TUBGCP2: variants seen among roughly 807,000 people sequenced by gnomAD.
The protein encoded by TUBGCP2 is gamma-tubulin complex component 2.
Under a neutral mutation model 92.2 loss-of-function variants are expected in TUBGCP2, and 55 were observed. The observed-to-expected ratio is 0.60, with a 90% confidence interval of 0.48 to 0.75. TUBGCP2 has a LOEUF of 0.75. Among genes scored for constraint, TUBGCP2 ranks in the 30% least tolerant of loss-of-function variants. The pLI is 0.00. For missense variants in TUBGCP2, 1,093 were observed against 1,188.9 expected (o/e 0.92, Z 1.19); for synonymous variants, 533 against 505.2 (o/e 1.06, Z -0.74).
intron 1 of TUBGCP2, among the ~76,000 whole-genome samples, chr10:133,307,692 C>T (rs1329505056): frequency 6.6e-6 from 1 of 152,200 alleles, no homozygotes; most frequent in Non-Finnish European, 1.5e-5. Flanking sequence ...TTGCAGTGAG[C>T]CCAGATCGCG....
Position 133,300,060 on chromosome 10 carries a change from A to G in TUBGCP2, c.204T>C (p.Asp68=). Reference sequence around the variant, plus strand: ...TCCTTGTATTTTTAGATTTCAGTTCATCATATTTCTTTAGAAAGTCTTCTG... The same window carrying G: ...TCCTTGTATTTTTAGATTTCAGTTCGTCATATTTCTTTAGAAAGTCTTCTG... ...RTPEDFLKKY[D]ELKSKNTRNL... Residue 68 remains aspartate (D), a synonymous_variant, in exon 3 of 18, where the codon GAT becomes GAC. Transcript: ENST00000252936. 1 of 1,614,168 alleles carries G rather than the reference A, an allele frequency of 6.2e-7. No individual in the cohort carries two copies. The highest frequency in any genetic ancestry group is 8.5e-7 in the Non-Finnish European group (1 of 1,180,014).
intron 8 of TUBGCP2, 76 bp from the exon 9 acceptor site, chr10:133,290,045 A>G: frequency 6.3e-7 from 1 of 1,579,706 alleles, no homozygotes; most frequent in Non-Finnish European, 8.7e-7. Flanking sequence ...CCAGGCCGGC[A>G]GCGCGCAGGG....
intron 11 of TUBGCP2, among the ~76,000 whole-genome samples, chr10:133,287,907 G>A (rs967869728): frequency 5.3e-5 from 8 of 152,328 alleles, no homozygotes; most frequent in African/African-American, 1.4e-4. Context: ...AGGCCCGGAC[G>A]AGGGCACTGC....
intron 3 of TUBGCP2, 39 bp downstream of exon 3, chr10:133,299,946 C>T (rs1452025909): frequency 6.2e-7 from 1 of 1,605,508 alleles, no homozygotes; most frequent in East Asian, 2.2e-5. Context: ...CCAACATGGG[C>T]CGTACGGGCG....
chr10:133,308,314 G>A (rs141897771), intron 1 of TUBGCP2, among the ~76,000 whole-genome samples: 28 of 152,332 alleles, frequency 1.8e-4, no homozygotes, highest in African/African-American at 6.5e-4. Context: ...TTTCACGGGA[G>A]CTGCGGGGAC....
At chr10:133,289,679 G>C (rs576600854) in intron 9 of TUBGCP2, 145 bp downstream of exon 9, 32 of 1,057,830 alleles carry the variant, frequency 3.0e-5, no homozygotes, top group Non-Finnish European at 4.0e-5. Context: ...GGCCAGTCCT[G>C]ACCTCAGCCC....
rs1589820224 is a variant in TUBGCP2 at position 133,281,603 on chromosome 10, A to G, written c.2410-167T>C. On this transcript the variant is annotated intron_variant, in intron 16 of 17. Coordinates refer to ENST00000252936, the MANE Select transcript of TUBGCP2 (RefSeq NM_006659.4). ...GATTCAAGGTAAAAAAGACATCAAA[A>G]AACATTCCTGAGAACCCAGCACTCA... The G allele has an allele frequency of 5.4e-6, 5 of 931,886 alleles. No homozygotes were observed. The East Asian group carries it at 1.3e-4, about 25-fold the overall frequency. 57.7% of individuals were successfully genotyped at this position (931,886 alleles called of 1,614,324 possible).
At position 133,292,728 on chromosome 10, in the gene TUBGCP2, G is replaced by A. The variant is rs191261650; in HGVS notation, c.1025-40C>T. 2.1e-3 allele frequency: 3,387 copies of A among 1,579,866 alleles called. 24 individuals carry two copies. The highest frequency in any genetic ancestry group is 0.015 in the Middle Eastern group (69 of 4,726). On this transcript the variant is annotated intron_variant, in intron 7 of 17. Transcript: ENST00000252936. The stretch of plus-strand genomic sequence containing the variant: ...GAGGGCTCACTGCTGAGAAGGAAGC[G>A]CACGCCCAGCCTCTGCCAACAACAC...
chr10:133,300,897 G>C (rs1847632774), intron 2 of TUBGCP2, among the ~76,000 whole-genome samples: 1 of 152,078 alleles, frequency 6.6e-6, no homozygotes, highest in South Asian at 2.1e-4. Flanking sequence ...GTACTGGAGA[G>C]TAGCAACTTG....
At position 133,293,516 on chromosome 10, in the gene TUBGCP2, T is replaced by C. The variant is rs746551727; in HGVS notation, c.824+46A>G. On this transcript the variant is annotated intron_variant, in intron 6 of 17. Coordinates refer to ENST00000252936, the MANE Select transcript of TUBGCP2 (RefSeq NM_006659.4). ...GGTCATCAGGATGGGACCTAACCCC[T>C]CCCCCACAACAGCGCAGGCTCCCAG... is the stretch of plus-strand genomic sequence containing the variant. 196 of 1,537,516 alleles carry C rather than the reference T, an allele frequency of 1.3e-4. 1 individual carries two copies. Among genetic ancestry groups the C allele is most frequent in the Non-Finnish European group, 2.9e-5 (33 of 1,137,080 alleles).
intron 17 of TUBGCP2, among the ~76,000 whole-genome samples, chr10:133,280,169 C>T (rs12778349): frequency 0.18 from 27,574 of 152,252 alleles, 3,147 homozygotes; most frequent in Non-Finnish European, 0.26. Flanking sequence ...ACGCTCCTAA[C>T]TAATGTTTCC....
rs1224082940 is a variant in TUBGCP2 at position 133,288,857 on chromosome 10, C to T, written c.1524G>A (p.Glu508=). 8 of 1,611,884 alleles carry T rather than the reference C, an allele frequency of 5.0e-6. No homozygotes were observed. In the Admixed American group the frequency reaches 5.0e-5, roughly 10 times the overall value. The part of the protein sequence containing the change: ...VLLDFLMEEK[E]LVAHLRSIKR... Reference sequence around the variant, plus strand: ...GGAATCACCTGAGGTGAGCCACCAGCTCCTTCTCCTCCATCAGGAAGTCCA... The same window carrying T: ...GGAATCACCTGAGGTGAGCCACCAGTTCCTTCTCCTCCATCAGGAAGTCCA... The change falls in exon 10 of 18, where the codon GAG becomes GAA. Residue 508 remains glutamate (E), a synonymous_variant. Coordinates refer to ENST00000252936, the MANE Select transcript of TUBGCP2 (RefSeq NM_006659.4).
chr10:133,310,586 C>T (rs1329254436), upstream of TUBGCP2: 1 of 418,088 alleles, frequency 2.4e-6, no homozygotes, highest in Admixed American at 3.9e-5. Flanking sequence ...CCCTCTGGGC[C>T]ATGCCTGTAC....
intron 5 of TUBGCP2, among the ~76,000 whole-genome samples, chr10:133,294,544 TC>T (rs796468829): frequency 2.6e-5 from 4 of 151,990 alleles, no homozygotes; most frequent in African/African-American, 9.6e-5. Flanking sequence ...AAGACTACAA[TC>T]CGTCACCAAC....
Position 133,293,202 on chromosome 10 carries a change from C to T in TUBGCP2, c.861G>A (p.Gln287=). 1 of 1,613,822 alleles carries T rather than the reference C, an allele frequency of 6.2e-7. No individual in the cohort carries two copies. The highest frequency in any genetic ancestry group is 8.5e-7 in the Non-Finnish European group (1 of 1,180,040). The change falls in exon 7 of 18, where the codon CAG becomes CAA. Residue 287 remains glutamine (Q), a synonymous_variant. Transcript: ENST00000252936. ...IEEKSSFEYG[Q]VNHALAAAMR... is the part of the protein sequence containing the mutation. ...TGGCGGCCGCCAGGGCGTGGTTCAC[C>T]TGCCCGTACTCGAAGGAAGACTTCT...
At chr10:133,305,441 A>G (rs2136142697) in intron 1 of TUBGCP2, among the ~76,000 whole-genome samples, 1 of 152,184 alleles carries the variant, frequency 6.6e-6, no homozygotes, top group South Asian at 2.1e-4. Flanking sequence ...GCAGCCAGGC[A>G]TTCGGGGCCA....
intron 1 of TUBGCP2, among the ~76,000 whole-genome samples, chr10:133,305,533 T>C (rs1847792699): frequency 6.6e-6 from 1 of 152,150 alleles, no homozygotes. Flanking sequence ...CGTCTTTATT[T>C]TTACAATCTC....
intron 1 of TUBGCP2, chr10:133,308,326 G>A (rs1345962539): frequency 6.6e-6 from 1 of 152,292 alleles, no homozygotes; most frequent in Admixed American, 6.5e-5. Flanking sequence ...TGCGGGGACT[G>A]GAGAGGTCGA....
intron 8 of TUBGCP2, chr10:133,290,203 C>T (rs577891630): frequency 2.9e-4 from 150 of 521,122 alleles, no homozygotes; most frequent in South Asian, 5.8e-4. Context: ...TCGGCTAAAA[C>T]GAACCTAGGG....
Sources: gnomAD v4.1 joint callset for allele counts (sites outside exome capture counted in the v4.1 genomes callset) on GRCh38, gnomAD v4.1.1 for gene constraint, MANE v1.5 for transcripts, NCBI Gene and HGNC (gene_info 2026-07-23, HGNC 2026-07-21) for gene names.